Variants in SGCG observed in about 807,000 individuals in gnomAD.
SGCG encodes the protein gamma-sarcoglycan.
A neutral mutation model predicts 29.3 loss-of-function variants in SGCG; 26 were observed. That is an observed-to-expected ratio of 0.89 (90% CI 0.65 to 1.23). The LOEUF (loss-of-function observed/expected upper bound fraction) is 1.23, where lower values mean the gene tolerates loss of function less well. Among genes scored for constraint, SGCG ranks in the 50% most tolerant of loss-of-function variants. The probability of loss-of-function intolerance (pLI) is 0.00; values close to 1 mark genes in which losing one functional copy is unlikely to be tolerated. For missense variants in SGCG, 353 were observed against 356.0 expected, an observed-to-expected ratio of 0.99 and a Z score of 0.07; for synonymous variants, 145 against 129.7, an observed-to-expected ratio of 1.12 and a Z score of -0.80.
chr13:23,226,668 T>A (rs1242138973), intron 2 of SGCG, among the ~76,000 whole-genome samples: 1 of 152,168 alleles, frequency 6.6e-6, no homozygotes, highest in Non-Finnish European at 1.5e-5. Flanking sequence ...AGGACAAATA[T>A]TTCAGATTCC....
intron 5 of SGCG, among the ~76,000 whole-genome samples, chr13:23,284,028 G>A (rs188718916): frequency 6.6e-6 from 1 of 152,278 alleles, no homozygotes; most frequent in African/African-American, 2.4e-5. Context: ...CTCTCTGGCT[G>A]CCCTTAACAT....
intron 4 of SGCG, among the ~76,000 whole-genome samples, chr13:23,272,348 G>C (rs984652095): frequency 1.3e-5 from 2 of 152,102 alleles, no homozygotes; most frequent in African/African-American, 4.8e-5. Context: ...TTTCTAGAAT[G>C]TTCATTGATC....
chr13:23,212,578 G>A (rs1456301240), intron 2 of SGCG, among the ~76,000 whole-genome samples: 1 of 152,158 alleles, frequency 6.6e-6, no homozygotes, highest in Non-Finnish European at 1.5e-5. Flanking sequence ...ATAGAAAGAG[G>A]CAAAGTAACC....
chr13:23,202,267 G>A (rs975263332), intron 1 of SGCG, among the ~76,000 whole-genome samples: 1 of 152,204 alleles, frequency 6.6e-6, no homozygotes, highest in African/African-American at 2.4e-5. Context: ...TAGAGTGACA[G>A]GAGCTTACTG....
At chr13:23,299,667 T>A (rs1298868662) in intron 6 of SGCG, among the ~76,000 whole-genome samples, 4 of 151,142 alleles carry the variant, frequency 2.6e-5, no homozygotes, top group African/African-American at 7.3e-5. Context: ...TTAGCCAGGA[T>A]GGTCTTGACC....
chr13:23,243,052 A>G (rs560185201), intron 3 of SGCG, among the ~76,000 whole-genome samples: 86 of 152,300 alleles, frequency 5.6e-4, no homozygotes, highest in African/African-American at 1.9e-3. Flanking sequence ...GTATAATTCA[A>G]TATAAGAGGT....
intron 1 of SGCG, among the ~76,000 whole-genome samples, chr13:23,186,141 C>T: frequency 6.6e-6 from 1 of 152,344 alleles, no homozygotes; most frequent in Non-Finnish European, 1.5e-5. Flanking sequence ...ATCTAACACC[C>T]TGGCTGGTCT....
chr13:23,203,635 G>T, intron 1 of SGCG, 60 bp from the exon 2 acceptor site: 1 of 1,247,694 alleles, frequency 8.0e-7, no homozygotes, highest in Non-Finnish European at 1.2e-6. Flanking sequence ...TAAACAAGTT[G>T]CCTCCCTCAT....
At position 23,198,444 on chromosome 13, in the gene SGCG, T is replaced by C. The variant is rs138337280; in HGVS notation, c.1-5251T>C. Among the ~76,000 whole-genome samples, 265 of 152,304 alleles carry C rather than the reference T, an allele frequency of 1.7e-3. 3 individuals carry two copies. The highest frequency in any genetic ancestry group is 6.0e-3 in the African/African-American group (250 of 41,574). On this transcript the variant is annotated intron_variant, in intron 1 of 7. Transcript: ENST00000218867. ...TGGGGATCATGAATTCAGAAGCATA[T>C]GAAAGCAGATATTTACACCAAAACA...
chr13:23,300,823 A>C (rs1882127835), intron 6 of SGCG, among the ~76,000 whole-genome samples: 2 of 150,660 alleles, frequency 1.3e-5, no homozygotes, highest in Non-Finnish European at 3.0e-5. Context: ...AAAAAAAAAA[A>C]AAAAAAAAAG....
intron 4 of SGCG, chr13:23,268,899 T>TA (rs35162983): frequency 0.67 from 96,798 of 144,864 alleles, 34,703 homozygotes; most frequent in Middle Eastern, 0.85. Flanking sequence ...TTGAACGCTT[T>TA]AAAAAAAAAA....
In SGCG at chr13:23,208,969, G is replaced by A. The variant is rs946662762; in HGVS notation, c.195+5080G>A. Among the ~76,000 whole-genome samples the A allele has an allele frequency of 5.3e-5, 8 of 152,146 alleles. No individual in the cohort carries two copies. The East Asian group carries it at 1.5e-3, about 29-fold the overall frequency. ...ATTGATTTTTTAGAAGACCTTTAGA[G>A]TTATCAACCTTTGTTTGCATATAAA... On this transcript the variant is annotated intron_variant, in intron 2 of 7. Transcript: ENST00000218867.
Position 23,320,658 on chromosome 13 carries a change from T to A in SGCG, c.600T>A (p.Ser200Arg), listed in dbSNP as rs1305139934. The A allele has an allele frequency of 6.3e-7, 1 of 1,591,360 alleles. No individual in the cohort carries two copies. The highest frequency in any genetic ancestry group is 1.1e-5 in the South Asian group (1 of 89,294). ...QDLRLESPTR[S>R]LSMDAPRGVH... ...TCAGATTAGAATCCCCCACTCGGAG[T>A]CTAAGCATGGATGCCCCAAGGGGTG... The change falls in exon 7 of 8, where the codon AGT (serine) becomes AGA (arginine). Residue 200 changes from serine to arginine, a missense_variant. Physicochemically the swap from Ser to Arg is moderately radical, Grantham distance 110 (BLOSUM62 -1). Transcript: ENST00000218867.
At position 23,201,563 on chromosome 13, in the gene SGCG, A is replaced by C. The variant is rs1276734482; in HGVS notation, c.1-2132A>C. 3.9e-5 allele frequency among the ~76,000 whole-genome samples: 6 copies of C among 152,202 alleles called. No homozygotes were observed. The South Asian group carries it at 6.2e-4, about 16-fold the overall frequency. On this transcript the variant is annotated intron_variant, in intron 1 of 7. Coordinates refer to ENST00000218867, the MANE Select transcript of SGCG (RefSeq NM_000231.3). ...AACGTGGGCAGCTTCTAGAAGCTGGAAAAGGCAAGCAACGTCTCCCCTCCA... is the reference window on the plus strand; with the variant it reads ...AACGTGGGCAGCTTCTAGAAGCTGGCAAAGGCAAGCAACGTCTCCCCTCCA...
At chr13:23,318,249 T>C (rs1376675355) in intron 6 of SGCG, among the ~76,000 whole-genome samples, 3 of 151,492 alleles carry the variant, frequency 2.0e-5, no homozygotes, top group Admixed American at 1.3e-4. Flanking sequence ...GTTATGTCCC[T>C]CTAGGGAACC....
At chr13:23,201,802 C>T (rs990575056) in intron 1 of SGCG, among the ~76,000 whole-genome samples, 3 of 152,156 alleles carry the variant, frequency 2.0e-5, no homozygotes, top group African/African-American at 7.2e-5. Flanking sequence ...TCACCTGTAG[C>T]AATATTGTAA....
chr13:23,271,163 G>A (rs1880862197), intron 4 of SGCG, among the ~76,000 whole-genome samples: 1 of 152,110 alleles, frequency 6.6e-6, no homozygotes, highest in South Asian at 2.1e-4. Context: ...AGTGAGCCGA[G>A]ATCACGCCAC....
intron 2 of SGCG, among the ~76,000 whole-genome samples, chr13:23,225,689 T>C (rs1878865577): frequency 6.6e-6 from 1 of 152,014 alleles, no homozygotes; most frequent in African/African-American, 2.4e-5. Context: ...TCCAAGGAGC[T>C]CTTGCTCCTT....
At chr13:23,303,190 C>CG (rs1882234655) in intron 6 of SGCG, among the ~76,000 whole-genome samples, 1 of 151,918 alleles carries the variant, frequency 6.6e-6, no homozygotes, top group Non-Finnish European at 1.5e-5. Context: ...ATGAGCATGT[C>CG]TTTCTTTATA....
Sources: gnomAD v4.1 joint callset for allele counts (sites outside exome capture counted in the v4.1 genomes callset) on GRCh38, gnomAD v4.1.1 for gene constraint, MANE v1.5 for transcripts, NCBI Gene and HGNC (gene_info 2026-07-23, HGNC 2026-07-21) for gene names.